CCDC91: variants seen among roughly 807,000 people sequenced by gnomAD.
CCDC91 encodes the protein coiled-coil domain containing 91.
CCDC91 carries 48 observed loss-of-function variants against 63.2 expected under a neutral mutation model. The ratio of observed to expected loss-of-function variants is 0.76; its 90% CI spans 0.60 to 0.97. CCDC91 has a LOEUF of 0.97. CCDC91 is among the 50% of genes least tolerant of loss of function. CCDC91 has a pLI of 0.00. For missense variants in CCDC91, 500 were observed against 494.6 expected, an observed-to-expected ratio of 1.01 and a Z score of -0.10; for synonymous variants, 167 against 165.8, an observed-to-expected ratio of 1.01 and a Z score of -0.06.
At chr12:28,265,816 A>G (rs1348900592) in intron 3 of CCDC91, among the ~76,000 whole-genome samples, 1 of 152,076 alleles carries the variant, frequency 6.6e-6, no homozygotes, top group Non-Finnish European at 1.5e-5. Context: ...TTTGAAGGTG[A>G]CTTATTACAT....
In CCDC91 at chr12:28,434,623, TG is replaced by T. The variant is rs372268335; in HGVS notation, c.763-15532del. On this transcript the variant is annotated intron_variant, in intron 8 of 12. Coordinates refer to ENST00000536442, the MANE Select transcript of CCDC91 (RefSeq NM_018318.5). ...TTTTTTTTTTTTTTTTTTTTTTGAT[TG>T]GGGGGTGGGTAATGCTGGCCTCTTA... Among the ~76,000 whole-genome samples, 709 of 135,882 alleles carry T rather than the reference TG, an allele frequency of 5.2e-3. 7 individuals carry two copies. Among genetic ancestry groups the T allele is most frequent in the African/African-American group, 0.018 (661 of 36,038 alleles). The allele number at this position is 135,882 out of a possible 152,430, so 89.1% of individuals were successfully genotyped here.
At position 28,320,241 on chromosome 12, in the gene CCDC91, T is replaced by C. The variant is rs561343779; in HGVS notation, c.576+12492T>C. 1.0e-3 allele frequency among the ~76,000 whole-genome samples: 155 copies of C among 152,052 alleles called. 1 individual carries two copies. The highest frequency in any genetic ancestry group is 3.4e-3 in the African/African-American group (140 of 41,540). ...GGTTACTCCATATGCTATTAGGTTG[T>C]TTATAAGTACATTTATCACTTTAGA... On this transcript the variant is annotated intron_variant, in intron 6 of 12. Transcript: ENST00000536442.
At chr12:28,546,779 AC>A (rs2141878583) in intron 12 of CCDC91, among the ~76,000 whole-genome samples, 1 of 152,188 alleles carries the variant, frequency 6.6e-6, no homozygotes, top group African/African-American at 2.4e-5. Context: ...CCTCTATAAC[AC>A]TGCAGTTGGG....
intron 12 of CCDC91, among the ~76,000 whole-genome samples, chr12:28,489,779 CTG>C (rs1951903542): frequency 6.6e-6 from 1 of 151,728 alleles, no homozygotes; most frequent in Admixed American, 6.6e-5. Flanking sequence ...TCCAGTTTTG[CTG>C]CAATATTCTT....
chr12:28,438,960 T>G (rs1298809346), intron 8 of CCDC91, among the ~76,000 whole-genome samples: 1 of 152,166 alleles, frequency 6.6e-6, no homozygotes, highest in East Asian at 1.9e-4. Context: ...TGTCACAATC[T>G]TTGGCATTTA....
intron 6 of CCDC91, among the ~76,000 whole-genome samples, chr12:28,333,811 G>A (rs1190356889): frequency 1.3e-5 from 2 of 152,096 alleles, no homozygotes; most frequent in Non-Finnish European, 2.9e-5. Flanking sequence ...TTTCTCACAC[G>A]TGTAATTTGT....
At chr12:28,290,227 T>C (rs764520001) in intron 3 of CCDC91, among the ~76,000 whole-genome samples, 1 of 152,172 alleles carries the variant, frequency 6.6e-6, no homozygotes, top group Admixed American at 6.5e-5. Context: ...ATAGATCTTA[T>C]TGAATTGAGC....
In CCDC91 at chr12:28,384,855, C is replaced by A. The variant is rs80157819; in HGVS notation, c.655-6449C>A. ...GATGAATGATTCTGTAAAACGACTG[C>A]GATTCATCATTTTTACAAATGTACC... On this transcript the variant is annotated intron_variant, in intron 7 of 12. Coordinates refer to ENST00000536442, the MANE Select transcript of CCDC91 (RefSeq NM_018318.5). Among the ~76,000 whole-genome samples the A allele has an allele frequency of 9.2e-3, 1,404 of 151,980 alleles. 26 individuals carry two copies. Among genetic ancestry groups the A allele is most frequent in the African/African-American group, 0.032 (1,335 of 41,472 alleles).
chr12:28,500,943 C>CAT (rs1937754400), intron 12 of CCDC91, among the ~76,000 whole-genome samples: 1 of 151,582 alleles, frequency 6.6e-6, no homozygotes, highest in African/African-American at 2.4e-5. Context: ...TAGAAATTCT[C>CAT]ATATATACTT....
At chr12:28,363,602 G>A (rs1944047121) in intron 7 of CCDC91, among the ~76,000 whole-genome samples, 1 of 152,090 alleles carries the variant, frequency 6.6e-6, no homozygotes, top group Admixed American at 6.5e-5. Context: ...AAATCATTTG[G>A]GCCGGGCATG....
intron 6 of CCDC91, among the ~76,000 whole-genome samples, chr12:28,344,751 C>T (rs1446955684): frequency 2.6e-5 from 4 of 152,070 alleles, no homozygotes; most frequent in Non-Finnish European, 5.9e-5. Flanking sequence ...AGCTATTAGC[C>T]TTTGAATGAG....
At chr12:28,406,726 C>G (rs1181934608) in intron 8 of CCDC91, among the ~76,000 whole-genome samples, 1 of 150,662 alleles carries the variant, frequency 6.6e-6, no homozygotes, top group Non-Finnish European at 1.5e-5. Context: ...TTCCTATGTT[C>G]TATTAAAGTT....
chr12:28,326,829 T>C (rs1165887617), intron 6 of CCDC91, among the ~76,000 whole-genome samples: 1 of 152,066 alleles, frequency 6.6e-6, no homozygotes, highest in East Asian at 1.9e-4. Context: ...CCCCCCAAAA[T>C]GGGTTTCTCT....
chr12:28,489,503 A>G (rs1272562310), intron 12 of CCDC91, among the ~76,000 whole-genome samples: 1 of 151,932 alleles, frequency 6.6e-6, no homozygotes, highest in Admixed American at 6.6e-5. Context: ...TGTGAATAAC[A>G]TTCAGCAAGC....
In CCDC91 at chr12:28,438,754, G is replaced by A. The variant is rs987322178; in HGVS notation, c.763-11407G>A. 1.3e-4 allele frequency among the ~76,000 whole-genome samples: 19 copies of A among 151,928 alleles called. 1 individual carries two copies. Among genetic ancestry groups the A allele is most frequent in the African/African-American group, 4.4e-4 (18 of 41,292 alleles). On this transcript the variant is annotated intron_variant, in intron 8 of 12. Coordinates refer to ENST00000536442, the MANE Select transcript of CCDC91 (RefSeq NM_018318.5). ...CATGAGTTGAGAGACTTACAACTTA[G>A]GATGCATTTTCAATTTATGATATTT...
chr12:28,209,920 T>C (rs760187071), intron 1 of CCDC91, among the ~76,000 whole-genome samples: 9 of 152,238 alleles, frequency 5.9e-5, no homozygotes, highest in Non-Finnish European at 1.2e-4. Context: ...CTCAATTATA[T>C]GTTAAAATGG....
At chr12:28,419,284 C>G (rs1947862173) in intron 8 of CCDC91, among the ~76,000 whole-genome samples, 1 of 152,142 alleles carries the variant, frequency 6.6e-6, no homozygotes, top group South Asian at 2.1e-4. Flanking sequence ...TCACTTTATT[C>G]TACCACATCT....
At chr12:28,420,138 C>T (rs562686507) in intron 8 of CCDC91, among the ~76,000 whole-genome samples, 1 of 152,130 alleles carries the variant, frequency 6.6e-6, no homozygotes, top group South Asian at 2.1e-4. Flanking sequence ...GAAGCTGACC[C>T]ATATCACATA....
At chr12:28,408,750 C>A (rs1039488651) in intron 8 of CCDC91, among the ~76,000 whole-genome samples, 2 of 152,084 alleles carry the variant, frequency 1.3e-5, no homozygotes, top group African/African-American at 2.4e-5. Context: ...TCATGCAATT[C>A]TCTTGCCTCA....
Sources: allele counts gnomAD v4.1 joint callset (sites outside exome capture counted in the v4.1 genomes callset), GRCh38; gene constraint gnomAD v4.1.1; transcripts MANE v1.5; gene names NCBI Gene and HGNC (gene_info 2026-07-23, HGNC 2026-07-21).